The following NPSR1 variants were observed in gnomAD, a reference collection of about 807,000 sequenced individuals.
The protein encoded by NPSR1 is neuropeptide S receptor 1, also known as neuropeptide S receptor.
A neutral mutation model predicts 46.9 loss-of-function variants in NPSR1; 48 were observed. The ratio of observed to expected loss-of-function variants is 1.02; its 90% confidence interval spans 0.81 to 1.30. The LOEUF (loss-of-function observed/expected upper bound fraction) is 1.30. Among genes scored for constraint, NPSR1 ranks in the 50% most tolerant of loss-of-function variants. NPSR1 has a pLI of 0.00. For missense variants in NPSR1, 450 were observed against 449.5 expected (o/e 1.00, Z -0.01); for synonymous variants, 176 against 168.1 (o/e 1.05, Z -0.36).
At chr7:34,769,618 A>G (rs1786583692) in intron 2 of NPSR1, among the ~76,000 whole-genome samples, 1 of 152,218 alleles carries the variant, frequency 6.6e-6, no homozygotes, top group South Asian at 2.1e-4. Flanking sequence ...TCATGCTGTT[A>G]TATGTGCCTA....
intron 2 of NPSR1, among the ~76,000 whole-genome samples, chr7:34,707,157 C>T (rs1213136423): frequency 6.6e-6 from 1 of 152,116 alleles, no homozygotes; most frequent in African/African-American, 2.4e-5. Context: ...AGGCATTTAC[C>T]CTTGTTAAAC....
intron 3 of NPSR1, among the ~76,000 whole-genome samples, chr7:34,805,121 A>G (rs182761340): frequency 5.9e-5 from 9 of 152,162 alleles, no homozygotes; most frequent in Admixed American, 4.6e-4. Context: ...AACGTGATCT[A>G]TAAATTCAAT....
intron 2 of NPSR1, among the ~76,000 whole-genome samples, chr7:34,773,824 G>A (rs921815045): frequency 1.3e-5 from 2 of 152,190 alleles, no homozygotes; most frequent in African/African-American, 4.8e-5. Context: ...AATGTCAACT[G>A]GACAAGTTAT....
intron 2 of NPSR1, among the ~76,000 whole-genome samples, chr7:34,731,446 T>C (rs575030496): frequency 6.6e-6 from 1 of 152,194 alleles, no homozygotes; most frequent in Non-Finnish European, 1.5e-5. Context: ...CATTAGGCCA[T>C]TTTTATTAAA....
At chr7:34,837,066 A>G (rs1036982132) in intron 6 of NPSR1, among the ~76,000 whole-genome samples, 13 of 152,228 alleles carry the variant, frequency 8.5e-5, no homozygotes, top group Non-Finnish European at 1.9e-4. Flanking sequence ...AGGGAGATGG[A>G]AAATATCAAG....
At chr7:34,736,229 T>A (rs1185374518) in intron 2 of NPSR1, among the ~76,000 whole-genome samples, 1 of 152,164 alleles carries the variant, frequency 6.6e-6, no homozygotes, top group Non-Finnish European at 1.5e-5. Flanking sequence ...AAACAACCTC[T>A]CTGCCCTCCC....
downstream of NPSR1, among the ~76,000 whole-genome samples, chr7:34,853,802 TAAAAATAC>T (rs1463555027): frequency 9.1e-4 from 138 of 152,064 alleles, no homozygotes; most frequent in African/African-American, 3.3e-3. Context: ...CCGTCTGTAC[TAAAAATAC>T]AAAAATTAGC....
At chr7:34,767,151 T>A (rs77759797) in intron 2 of NPSR1, among the ~76,000 whole-genome samples, 7,704 of 152,254 alleles carry the variant, frequency 0.051, 258 homozygotes, top group Middle Eastern at 0.082. Context: ...AAATTGGTGA[T>A]GTGCAAATAA....
intron 4 of NPSR1, among the ~76,000 whole-genome samples, chr7:34,815,161 C>G (rs962738393): frequency 6.6e-6 from 1 of 152,104 alleles, no homozygotes; most frequent in African/African-American, 2.4e-5. Context: ...TGCAAGGAAG[C>G]TAAAAACCTT....
At chr7:34,821,967 G>C (rs927467298) in intron 4 of NPSR1, among the ~76,000 whole-genome samples, 17 of 152,152 alleles carry the variant, frequency 1.1e-4, no homozygotes, top group African/African-American at 4.1e-4. Flanking sequence ...AACAGGGGGA[G>C]ACCTGCATCT....
At chr7:34,819,649 T>C (rs1789453689) in intron 4 of NPSR1, among the ~76,000 whole-genome samples, 1 of 152,186 alleles carries the variant, frequency 6.6e-6, no homozygotes, top group African/African-American at 2.4e-5. Context: ...CTATTCACAA[T>C]AGCAAAGACT....
intron 4 of NPSR1, among the ~76,000 whole-genome samples, chr7:34,818,115 A>T (rs1789345024): frequency 6.7e-6 from 1 of 149,538 alleles, no homozygotes. Flanking sequence ...TTAGGAAAAG[A>T]AGAAGTCAAA....
intron 1 of NPSR1, among the ~76,000 whole-genome samples, chr7:34,673,003 C>G (rs34631880): frequency 0.25 from 37,946 of 152,100 alleles, 4,952 homozygotes; most frequent in South Asian, 0.34. Flanking sequence ...CCTCACTAAC[C>G]TGCAGTTCTC....
intron 8 of NPSR1, among the ~76,000 whole-genome samples, chr7:34,860,557 G>C (rs1446918534): frequency 6.6e-6 from 1 of 151,694 alleles, no homozygotes; most frequent in Non-Finnish European, 1.5e-5. Flanking sequence ...TGACTTAATA[G>C]AAGACAGATT....
intron 2 of NPSR1, among the ~76,000 whole-genome samples, chr7:34,764,709 C>T (rs997960083): frequency 2.0e-5 from 3 of 152,158 alleles, no homozygotes; most frequent in South Asian, 2.1e-4. Flanking sequence ...CCCTTGGGGA[C>T]GGAGGCCAGA....
intron 2 of NPSR1, among the ~76,000 whole-genome samples, chr7:34,689,401 C>T (rs1055854695): frequency 6.6e-6 from 1 of 151,318 alleles, no homozygotes; most frequent in South Asian, 2.1e-4. Flanking sequence ...GTCAGGAGAT[C>T]GAGACCATCC....
intron 4 of NPSR1, among the ~76,000 whole-genome samples, chr7:34,815,085 G>A (rs1421820787): frequency 6.6e-6 from 1 of 152,226 alleles, no homozygotes; most frequent in Non-Finnish European, 1.5e-5. Flanking sequence ...GTTGACAGAA[G>A]TAGGCTTCAG....
intron 2 of NPSR1, among the ~76,000 whole-genome samples, chr7:34,690,628 A>G (rs1448718614): frequency 6.6e-6 from 1 of 152,198 alleles, no homozygotes; most frequent in East Asian, 1.9e-4. Flanking sequence ...AGTGGAAGAA[A>G]GACTTTCAGA....
At chr7:34,670,999 T>C (rs1487561547) in intron 1 of NPSR1, among the ~76,000 whole-genome samples, 3 of 152,162 alleles carry the variant, frequency 2.0e-5, no homozygotes, top group Non-Finnish European at 4.4e-5. Flanking sequence ...TGTAGGATTA[T>C]ACCATAAGTA....
Sources: allele counts gnomAD v4.1 joint callset (sites outside exome capture counted in the v4.1 genomes callset), GRCh38; gene constraint gnomAD v4.1.1; transcripts MANE v1.5; gene names NCBI Gene and HGNC (gene_info 2026-07-23, HGNC 2026-07-21).